The following AK5 variants were observed in gnomAD, a reference collection of about 807,000 sequenced individuals.
AK5 encodes adenylate kinase 5.
Under a neutral mutation model 69.5 loss-of-function variants are expected in AK5, and 27 were observed. The observed-to-expected ratio is 0.39, with a 90% CI of 0.29 to 0.54. AK5 has a LOEUF of 0.54. Among genes scored for constraint, AK5 ranks in the 20% least tolerant of loss-of-function variants. AK5 has a pLI of 0.71. For missense variants in AK5, 531 were observed against 700.4 expected, an observed-to-expected ratio of 0.76 and a Z score of 2.73; for synonymous variants, 260 against 244.4, an observed-to-expected ratio of 1.06 and a Z score of -0.60.
At position 77,476,908 on chromosome 1, in the gene AK5, A is replaced by T. The variant is rs534964239; in HGVS notation, c.1060-6409A>T. On this transcript the variant is annotated intron_variant, in intron 8 of 13. Coordinates refer to ENST00000354567, the MANE Select transcript of AK5 (RefSeq NM_174858.3). The stretch of plus-strand genomic sequence containing the variant: ...GTGTGAGGTGTTTTGCTGTTTTTTT[A>T]AAAAAAAAAAACAGGTATAAGGAAA... 2.4e-3 allele frequency among the ~76,000 whole-genome samples: 322 copies of T among 136,738 alleles called. 1 individual carries two copies. Among genetic ancestry groups the T allele is most frequent in the Non-Finnish European group, 3.9e-3 (248 of 63,070 alleles). The allele number at this position is 136,738 out of a possible 152,430, so 89.7% of individuals were successfully genotyped here.
chr1:77,488,559 A>G (rs893521129), intron 10 of AK5, among the ~76,000 whole-genome samples: 2 of 152,198 alleles, frequency 1.3e-5, no homozygotes, highest in Admixed American at 1.3e-4. Flanking sequence ...ACATATAGGA[A>G]TTTATTAAGT....
intron 5 of AK5, among the ~76,000 whole-genome samples, chr1:77,311,809 A>G (rs1362799634): frequency 6.6e-6 from 1 of 152,132 alleles, no homozygotes; most frequent in East Asian, 1.9e-4. Context: ...AAGGCTGCCC[A>G]GAACAGTTCT....
intron 6 of AK5, among the ~76,000 whole-genome samples, chr1:77,386,112 A>G (rs1274118326): frequency 1.3e-5 from 2 of 152,188 alleles, no homozygotes; most frequent in Non-Finnish European, 2.9e-5. Flanking sequence ...TGCTTAGTAT[A>G]ATAGTTGTGT....
chr1:77,313,480 T>C (rs888044116), intron 5 of AK5, among the ~76,000 whole-genome samples: 11 of 152,120 alleles, frequency 7.2e-5, no homozygotes, highest in African/African-American at 2.4e-4. Flanking sequence ...CTTGAAAATT[T>C]TGGAGATTTG....
intron 6 of AK5, 52 bp downstream of exon 6, chr1:77,340,620 T>C (rs759751180): frequency 1.3e-6 from 2 of 1,540,044 alleles, no homozygotes; most frequent in Non-Finnish European, 1.8e-6. Context: ...CTTTCAGATT[T>C]CTCATTAGCC....
chr1:77,440,415 T>G (rs931879857), intron 8 of AK5, among the ~76,000 whole-genome samples: 6 of 152,208 alleles, frequency 3.9e-5, no homozygotes, highest in African/African-American at 9.6e-5. Context: ...CTCTTTGCCT[T>G]TGATTTTTGA....
chr1:77,441,971 T>C (rs1652356466), intron 8 of AK5, among the ~76,000 whole-genome samples: 1 of 152,104 alleles, frequency 6.6e-6, no homozygotes, highest in Non-Finnish European at 1.5e-5. Context: ...GGGTTGTAGC[T>C]GTGATTCTGC....
chr1:77,349,463 A>C (rs1431264968), intron 6 of AK5: 2 of 152,198 alleles, frequency 1.3e-5, no homozygotes, highest in Non-Finnish European at 2.9e-5. Context: ...GTCTCAACCC[A>C]GATCACACTG....
At chr1:77,481,651 A>T (rs1004938661) in intron 8 of AK5, among the ~76,000 whole-genome samples, 39 of 152,240 alleles carry the variant, frequency 2.6e-4, no homozygotes, top group African/African-American at 9.4e-4. Context: ...CTCAGGCATC[A>T]AAGTGAATTA....
intron 13 of AK5, among the ~76,000 whole-genome samples, chr1:77,542,977 C>T (rs1659357911): frequency 6.6e-6 from 1 of 152,164 alleles, no homozygotes; most frequent in African/African-American, 2.4e-5. Context: ...CAATCAAGTT[C>T]CTTGGCAACT....
intron 8 of AK5, among the ~76,000 whole-genome samples, chr1:77,418,340 A>G (rs559231421): frequency 7.9e-4 from 121 of 152,248 alleles, no homozygotes; most frequent in African/African-American, 2.9e-3. Flanking sequence ...CAGCACAGAA[A>G]AGACCCGCCC....
chr1:77,470,581 A>C (rs2100693538), intron 8 of AK5, among the ~76,000 whole-genome samples: 1 of 152,190 alleles, frequency 6.6e-6, no homozygotes, highest in South Asian at 2.1e-4. Context: ...AGAATAAAGA[A>C]GACAAAATCA....
At chr1:77,487,546 G>A (rs576254988) in intron 10 of AK5, among the ~76,000 whole-genome samples, 1 of 152,290 alleles carries the variant, frequency 6.6e-6, no homozygotes, top group East Asian at 1.9e-4. Flanking sequence ...GAAAAGAATG[G>A]TTGTCAACAC....
At chr1:77,446,509 G>T (rs1652764504) in intron 8 of AK5, among the ~76,000 whole-genome samples, 1 of 152,004 alleles carries the variant, frequency 6.6e-6, no homozygotes, top group African/African-American at 2.4e-5. Context: ...TATATATATT[G>T]CTTTAGGTTG....
intron 8 of AK5, among the ~76,000 whole-genome samples, chr1:77,424,236 G>A (rs1002097985): frequency 6.6e-6 from 1 of 152,182 alleles, no homozygotes; most frequent in Non-Finnish European, 1.5e-5. Context: ...TATATAGCAG[G>A]AATGTGGGTC....
chr1:77,508,144 T>TA (rs1239659164), intron 10 of AK5, among the ~76,000 whole-genome samples: 1 of 152,168 alleles, frequency 6.6e-6, no homozygotes, highest in East Asian at 1.9e-4. Flanking sequence ...AAAATTAAAA[T>TA]ATAAAACACT....
intron 8 of AK5, among the ~76,000 whole-genome samples, chr1:77,470,897 TTG>T (rs2100695300): frequency 1.7e-5 from 2 of 115,474 alleles, no homozygotes; most frequent in South Asian, 3.4e-4. Flanking sequence ...TTTTTTTTTT[TTG>T]AGACAGAGTC....
intron 13 of AK5, among the ~76,000 whole-genome samples, chr1:77,542,322 C>CA (rs951970299): frequency 8.0e-5 from 12 of 149,634 alleles, no homozygotes; most frequent in African/African-American, 2.5e-4. Context: ...GACTCGGTCT[C>CA]AAAAAAAAAG....
At chr1:77,375,174 G>A (rs1362295553) in intron 6 of AK5, among the ~76,000 whole-genome samples, 4 of 152,214 alleles carry the variant, frequency 2.6e-5, no homozygotes, top group African/African-American at 9.6e-5. Context: ...GAGCAAGAGT[G>A]TTTTAATTGA....
Sources: allele counts gnomAD v4.1 joint callset (sites outside exome capture counted in the v4.1 genomes callset), GRCh38; gene constraint gnomAD v4.1.1; transcripts MANE v1.5; gene names NCBI Gene and HGNC (gene_info 2026-07-23, HGNC 2026-07-21).